The following ZNF287 variants were observed in gnomAD, a reference collection of about 807,000 sequenced individuals.
ZNF287 encodes zinc finger protein with KRAB and SCAN domains 13.
In ZNF287, 31 loss-of-function variants were observed where a neutral mutation model predicts 73.7. The ratio of observed to expected loss-of-function variants is 0.42; its 90% CI spans 0.32 to 0.57. The LOEUF (loss-of-function observed/expected upper bound fraction) is 0.57, where lower values mean the gene tolerates loss of function less well. Ranked by LOEUF, ZNF287 falls within the 20% of genes least tolerant of loss-of-function variation. The probability of loss-of-function intolerance (pLI) is 0.13; values close to 1 mark genes in which losing one functional copy is unlikely to be tolerated. For missense variants in ZNF287, 641 were observed against 909.3 expected (o/e 0.70, Z 3.79); for synonymous variants, 301 against 307.2 (o/e 0.98, Z 0.21).
At position 16,550,163 on chromosome 17, in the gene ZNF287, C is replaced by T. The variant is rs1197573190; in HGVS notation, c.*1693G>A. On this transcript the variant is annotated 3_prime_UTR_variant, in exon 6 of 6. Coordinates refer to ENST00000395825, the MANE Select transcript of ZNF287 (RefSeq NM_020653.4). Reference sequence around the variant, plus strand: ...CTGCCAGTTTTCCTTTTGAGACCCACAAACCCAGTTATCATTGTTTAATGA... The same window carrying T: ...CTGCCAGTTTTCCTTTTGAGACCCATAAACCCAGTTATCATTGTTTAATGA... 2.0e-5 allele frequency among the ~76,000 whole-genome samples: 3 copies of T among 152,176 alleles called. No individual in the cohort carries two copies. The highest frequency in any genetic ancestry group is 2.9e-5 in the Non-Finnish European group (2 of 68,030).
At position 16,563,215 on chromosome 17, in the gene ZNF287, G is replaced by T. The variant is rs1175059843; in HGVS notation, c.646C>A (p.Pro216Thr). The stretch of plus-strand genomic sequence containing the variant: ...TCTTCCAATATGGGAATCACAGTTG[G>T]TCTGTACACTGTAAGTCCTGTTCAG... ...MVSLGLTVYRPTVIPILEEPW... is the reference protein window; with the variant it reads ...MVSLGLTVYRTTVIPILEEPW... The change falls in exon 5 of 6, where the codon CCA becomes ACA. Residue 216 changes from proline to threonine, a missense_variant. Around this residue, in one of 2 missense-constraint regions of ZNF287, gnomAD observed 357 missense variants for 442.4 expected, o/e 0.81. Coordinates refer to ENST00000395825, the MANE Select transcript of ZNF287 (RefSeq NM_020653.4). 2 of 1,612,824 alleles carry T rather than the reference G, an allele frequency of 1.2e-6. No homozygotes were observed. The highest frequency in any genetic ancestry group is 2.2e-5 in the South Asian group (2 of 90,896).
At chr17:16,559,928 A>G (rs944633367) in intron 5 of ZNF287, among the ~76,000 whole-genome samples, 1 of 152,130 alleles carries the variant, frequency 6.6e-6, no homozygotes, top group Non-Finnish European at 1.5e-5. Flanking sequence ...CTGATAATAA[A>G]TACATACACA....
At chr17:16,567,264 A>T in intron 2 of ZNF287, 65 bp downstream of exon 2, 3 of 1,541,166 alleles carry the variant, frequency 1.9e-6, no homozygotes, top group East Asian at 4.5e-5. Flanking sequence ...GGAGCTGCTC[A>T]GATGTGCTAG....
In ZNF287 at chr17:16,553,001, G is replaced by C; in HGVS notation, c.1141C>G (p.Pro381Ala). 1.2e-6 allele frequency: 2 copies of C among 1,613,952 alleles called. No homozygotes were observed. The highest frequency in any genetic ancestry group is 1.7e-6 in the Non-Finnish European group (2 of 1,179,964). The part of the protein sequence containing the change: ...NVCGKKFRKY[P>A]SLLKHQSTHA... ...GTACTTTGGTGTTTCAGGAGGGATGGGTATTTCCTAAATTTTTTCCCACAC... is the reference window on the plus strand; with the variant it reads ...GTACTTTGGTGTTTCAGGAGGGATGCGTATTTCCTAAATTTTTTCCCACAC... Residue 381 changes from proline to alanine, a missense_variant, in exon 6 of 6, where the codon CCA (proline) becomes GCA (alanine). Transcript: ENST00000395825.
chr17:16,553,082 A>G lies in ZNF287; in HGVS notation c.1060T>C (p.Tyr354His), dbSNP rs1569014142. 1.2e-6 allele frequency: 2 copies of G among 1,614,196 alleles called. No homozygotes were observed. The highest frequency in any genetic ancestry group is 1.1e-5 in the South Asian group (1 of 91,086). The change falls in exon 6 of 6, where the codon TAT becomes CAT. Residue 354 changes from tyrosine to histidine, a missense_variant. Tyr to His is a moderately conservative substitution (Grantham distance 83, BLOSUM62 2). Around this residue, in one of 2 missense-constraint regions of ZNF287, gnomAD observed 357 missense variants for 442.4 expected, o/e 0.81. Transcript: ENST00000395825. The stretch of plus-strand genomic sequence containing the variant: ...AGTATTTTCCTATGTACAATACCAT[A>G]TGAGACATGATTGAAGGTTGCCCTG... ...EGRATFNHVS[Y>H]GIVHRKILPG...
chr17:16,548,523 C>T lies in ZNF287; in HGVS notation c.*3333G>A, dbSNP rs532951983. Among the ~76,000 whole-genome samples the T allele has an allele frequency of 7.2e-5, 11 of 152,194 alleles. No individual in the cohort carries two copies. Among genetic ancestry groups the T allele is most frequent in the South Asian group, 6.2e-4 (3 of 4,816 alleles). On this transcript the variant is annotated 3_prime_UTR_variant, in exon 6 of 6. Transcript: ENST00000395825. ...TCTTAAAGAGGAAAAACTGTCCGGG[C>T]GCGGTGGTTCACGCCTGTAATGCCA...
rs1906494805 is a variant in ZNF287 at position 16,549,392 on chromosome 17, G to A, written c.*2464C>T. 2.0e-5 allele frequency among the ~76,000 whole-genome samples: 3 copies of A among 152,182 alleles called. No individual in the cohort carries two copies. On this transcript the variant is annotated 3_prime_UTR_variant, in exon 6 of 6. Coordinates refer to ENST00000395825, the MANE Select transcript of ZNF287 (RefSeq NM_020653.4). Reference sequence around the variant, plus strand: ...AAATAACAGAGTAATGCAAAGGAAGGCGCTATGGACTGTCACATGCCACAT... The same window carrying A: ...AAATAACAGAGTAATGCAAAGGAAGACGCTATGGACTGTCACATGCCACAT...
intron 4 of ZNF287, 139 bp downstream of exon 4, chr17:16,563,560 G>A: frequency 1.0e-6 from 1 of 988,296 alleles, no homozygotes; most frequent in East Asian, 2.5e-5. Flanking sequence ...TGGAAAACGG[G>A]AGTAAAACAG....
Position 16,552,282 on chromosome 17 carries a change from A to G in ZNF287, c.1860T>C (p.Tyr620=), listed in dbSNP as rs374616825. 6.2e-7 allele frequency: 1 copy of G among 1,613,928 alleles called. No individual in the cohort carries two copies. The highest frequency in any genetic ancestry group is 1.3e-5 in the African/African-American group (1 of 75,010). ...ATGCTTTCCCACACACACTGCATTT[A>G]TATGGTTTCTCTCCAGTATGTGTTC... is the stretch of plus-strand genomic sequence containing the variant. The part of the protein sequence containing the change: ...HHRTHTGEKP[Y]KCSVCGKAFS... The change falls in exon 6 of 6, where the codon TAT becomes TAC. Residue 620 remains tyrosine, a synonymous_variant. Coordinates refer to ENST00000395825, the MANE Select transcript of ZNF287 (RefSeq NM_020653.4). The surrounding 1 kb of genome is among the most constrained non-coding windows in gnomAD (Gnocchi z 6.5).
rs547142954 is a variant in ZNF287 at position 16,569,031 on chromosome 17, C to T, written c.-278G>A. 5.2e-5 allele frequency: 8 copies of T among 152,556 alleles called. No homozygotes were observed. Among genetic ancestry groups the T allele is most frequent in the African/African-American group, 1.9e-4 (8 of 41,590 alleles). 9.5% of individuals were successfully genotyped at this position (152,556 alleles called of 1,614,324 possible). On this transcript the variant is annotated 5_prime_UTR_variant, in exon 1 of 6. Coordinates refer to ENST00000395825, the MANE Select transcript of ZNF287 (RefSeq NM_020653.4). Reference sequence around the variant, plus strand: ...ACAATGGCGACGCTGGCACAGGCGCCTGCGTGGCGGGCTCAGTCCCGAGCG... The same window carrying T: ...ACAATGGCGACGCTGGCACAGGCGCTTGCGTGGCGGGCTCAGTCCCGAGCG...
chr17:16,567,790 C>T lies in ZNF287; in HGVS notation c.-59G>A, dbSNP rs977986894. On this transcript the variant is annotated 5_prime_UTR_variant, in exon 2 of 6. Transcript: ENST00000395825. ...CTTTATTTCTCCAGTAGTGAGCCAA[C>T]TGCTTGAAGTCTCATGCTAGAGTCA... 2.6e-6 allele frequency: 4 copies of T among 1,537,644 alleles called. No homozygotes were observed. Among genetic ancestry groups the T allele is most frequent in the African/African-American group, 1.4e-5 (1 of 72,968 alleles).
In ZNF287 at chr17:16,551,014, A is replaced by G. The variant is rs546377815; in HGVS notation, c.*842T>C. ...TATACACATTAGTTTCTATCATAAC[A>G]TATCTTTCATTAAGCTTCTCTTTAA... On this transcript the variant is annotated 3_prime_UTR_variant, in exon 6 of 6. Coordinates refer to ENST00000395825, the MANE Select transcript of ZNF287 (RefSeq NM_020653.4). Among the ~76,000 whole-genome samples, 1 of 149,150 alleles carries G rather than the reference A, an allele frequency of 6.7e-6. No homozygotes were observed. The highest frequency in any genetic ancestry group is 2.6e-5 in the African/African-American group (1 of 39,066).
In ZNF287 at chr17:16,547,775, G is replaced by T. The variant is rs547289679; in HGVS notation, c.*4081C>A. 1.3e-5 allele frequency among the ~76,000 whole-genome samples: 2 copies of T among 152,324 alleles called. No individual in the cohort carries two copies. The highest frequency in any genetic ancestry group is 1.3e-4 in the Admixed American group (2 of 15,308). ...ATGCAAGGCCAACTTGAGATATCTTGTGTTAGAAGGCAATCAAGTGTCCAA... is the reference window on the plus strand; with the variant it reads ...ATGCAAGGCCAACTTGAGATATCTTTTGTTAGAAGGCAATCAAGTGTCCAA... On this transcript the variant is annotated 3_prime_UTR_variant, in exon 6 of 6. Coordinates refer to ENST00000395825, the MANE Select transcript of ZNF287 (RefSeq NM_020653.4).
chr17:16,562,553 C>T (rs191232873), intron 5 of ZNF287, among the ~76,000 whole-genome samples: 1 of 152,208 alleles, frequency 6.6e-6, no homozygotes, highest in African/African-American at 2.4e-5. Flanking sequence ...CATTGACATG[C>T]TGTTATGACA....
At position 16,553,051 on chromosome 17, in the gene ZNF287, C is replaced by G. The variant is rs551747125; in HGVS notation, c.1091G>C (p.Gly364Ala). 1.3e-5 allele frequency: 21 copies of G among 1,614,150 alleles called. No individual in the cohort carries two copies. The African/African-American group carries it at 2.8e-4, about 22-fold the overall frequency. ...CACATTACACTTGTAAGGCTTCTCT[C>G]CAGGAAGTATTTTCCTATGTACAAT... ...YGIVHRKILP[G>A]EKPYKCNVCG... Residue 364 changes from glycine to alanine, a missense_variant, in exon 6 of 6, where the codon GGA becomes GCA. Gly to Ala is a moderately conservative substitution (Grantham distance 60). Around this residue, in one of 2 missense-constraint regions of ZNF287, gnomAD observed 357 missense variants for 442.4 expected, o/e 0.81. Coordinates refer to ENST00000395825, the MANE Select transcript of ZNF287 (RefSeq NM_020653.4).
chr17:16,567,765 C>G lies in ZNF287; in HGVS notation c.-34G>C, dbSNP rs750878739. On this transcript the variant is annotated 5_prime_UTR_variant, in exon 2 of 6. Coordinates refer to ENST00000395825, the MANE Select transcript of ZNF287 (RefSeq NM_020653.4). ...ACAGGAGAGTCAATCTGGCAATATC[C>G]TTTATTTCTCCAGTAGTGAGCCAAC... 1.9e-6 allele frequency: 3 copies of G among 1,570,544 alleles called. No individual in the cohort carries two copies. The East Asian group carries it at 6.7e-5, about 35-fold the overall frequency.
Position 16,548,347 on chromosome 17 carries a change from T to C in ZNF287, c.*3509A>G, listed in dbSNP as rs541670949. Among the ~76,000 whole-genome samples the C allele has an allele frequency of 1.1e-4, 17 of 152,266 alleles. No homozygotes were observed. In the South Asian group the frequency reaches 3.5e-3, roughly 32 times the overall value. Reference sequence around the variant, plus strand: ...TGCACTATGAAATACATCTGTGAGGTGTTATCATTAAAAATGTTTAAACAA... The same window carrying C: ...TGCACTATGAAATACATCTGTGAGGCGTTATCATTAAAAATGTTTAAACAA... On this transcript the variant is annotated 3_prime_UTR_variant, in exon 6 of 6. Coordinates refer to ENST00000395825, the MANE Select transcript of ZNF287 (RefSeq NM_020653.4).
At position 16,551,895 on chromosome 17, in the gene ZNF287, C is replaced by T; in HGVS notation, c.2247G>A (p.Gln749=). The change falls in exon 6 of 6, where the codon CAG becomes CAA. Residue 749 remains glutamine, a synonymous_variant. Transcript: ENST00000395825. ...KTFTQSTNLI[Q]HQRVHTGAKH... is the part of the protein sequence containing the mutation. The stretch of plus-strand genomic sequence containing the variant: ...TGGCACCTGTATGAACACGTTGATG[C>T]TGAATAAGGTTTGTACTCTGGGTGA... 6.2e-7 allele frequency: 1 copy of T among 1,608,800 alleles called. No homozygotes were observed. Among genetic ancestry groups the T allele is most frequent in the Non-Finnish European group, 8.5e-7 (1 of 1,176,776 alleles).
rs1381659487 is a variant in ZNF287, at chr17:16,548,626, T to G, written c.*3230A>C. 2.0e-5 allele frequency among the ~76,000 whole-genome samples: 3 copies of G among 151,908 alleles called. No homozygotes were observed. Among genetic ancestry groups the G allele is most frequent in the Non-Finnish European group, 4.4e-5 (3 of 67,968 alleles). ...GCCTGGCTAACACAGTGAAACCCCA[T>G]CTCTACTAAAAAAATACAAAGAAAT... On this transcript the variant is annotated 3_prime_UTR_variant, in exon 6 of 6. Coordinates refer to ENST00000395825, the MANE Select transcript of ZNF287 (RefSeq NM_020653.4).
Sources: allele counts gnomAD v4.1 joint callset (sites outside exome capture counted in the v4.1 genomes callset), GRCh38; gene constraint gnomAD v4.1.1; regional missense constraint gnomAD v4.1.1; non-coding constraint Gnocchi (gnomAD v3.1); transcripts MANE v1.5; gene names NCBI Gene and HGNC (gene_info 2026-07-23, HGNC 2026-07-21).